PIAS2: variants seen among roughly 807,000 people sequenced by gnomAD.
PIAS2 encodes protein inhibitor of activated STAT 2, also known as E3 SUMO-protein ligase PIAS2.
In PIAS2, 19 loss-of-function variants were observed where a neutral mutation model predicts 69.7. The ratio of observed to expected loss-of-function variants is 0.27; its 90% confidence interval spans 0.19 to 0.40. The LOEUF (loss-of-function observed/expected upper bound fraction) is 0.40, where lower values mean the gene tolerates loss of function less well. PIAS2 is among the 10% of genes least tolerant of loss of function. The pLI, the probability that PIAS2 is intolerant of heterozygous loss-of-function variation, is 1.00. For synonymous variants in PIAS2, 261 were observed against 263.2 expected, an observed-to-expected ratio of 0.99 and a Z score of 0.08; for missense variants, 624 against 757.0, an observed-to-expected ratio of 0.82 and a Z score of 2.06.
At chr18:46,914,314 C>T (rs73957810) in intron 1 of PIAS2, among the ~76,000 whole-genome samples, 110 of 152,204 alleles carry the variant, frequency 7.2e-4, no homozygotes, top group African/African-American at 2.6e-3. Context: ...TCTAAGCCCC[C>T]GGCTATGGAT....
At chr18:46,914,335 G>T (rs72917106) in intron 1 of PIAS2, among the ~76,000 whole-genome samples, 1,674 of 152,236 alleles carry the variant, frequency 0.011, 16 homozygotes, top group Non-Finnish European at 0.017. Context: ...GATTAGAACA[G>T]AAGTAGAGAC....
intron 1 of PIAS2, among the ~76,000 whole-genome samples, chr18:46,896,324 ATAACT>A (rs1356719903): frequency 3.9e-5 from 6 of 152,100 alleles, no homozygotes; most frequent in Non-Finnish European, 7.4e-5. Context: ...ATATATTCTA[ATAACT>A]TAAATACAGA....
intron 9 of PIAS2, 61 bp downstream of exon 9, chr18:46,836,296 A>G (rs2044418071): frequency 1.6e-6 from 2 of 1,290,296 alleles, no homozygotes; most frequent in South Asian, 1.3e-5. Flanking sequence ...TGTAGTGAAC[A>G]AAGGCATTGC....
chr18:46,919,081 T>A (rs1054147462), upstream of PIAS2, among the ~76,000 whole-genome samples: 3 of 151,706 alleles, frequency 2.0e-5, no homozygotes, highest in African/African-American at 4.8e-5. Flanking sequence ...CCAGGTGCAG[T>A]GGCTCATGCC....
Position 46,900,926 on chromosome 18 carries a change from G to A in PIAS2, c.25-9872C>T, listed in dbSNP as rs540293346. The A allele has an allele frequency of 1.0e-3, 289 of 276,138 alleles. 1 individual carries two copies. The highest frequency in any genetic ancestry group is 6.6e-3 in the South Asian group (212 of 32,194). 17.1% of individuals were successfully genotyped at this position (276,138 alleles called of 1,614,324 possible). A position where few individuals can be genotyped will look rare whatever the true frequency, so the allele number is the denominator to read the frequency against. On this transcript the variant is annotated intron_variant, in intron 1 of 13. Transcript: ENST00000585916. ...GAGGCGGAGGTTGCGGTGAGCCGACGTCGTGCCATTGTACTCCAGCCTGGG... is the reference window on the plus strand; with the variant it reads ...GAGGCGGAGGTTGCGGTGAGCCGACATCGTGCCATTGTACTCCAGCCTGGG...
intron 2 of PIAS2, among the ~76,000 whole-genome samples, chr18:46,865,911 C>G (rs572858845): frequency 1.3e-5 from 2 of 152,180 alleles, no homozygotes; most frequent in Non-Finnish European, 2.9e-5. Context: ...ACTCCTCAAC[C>G]CTTTTTTTCT....
At chr18:46,862,997 C>T (rs949256074) in intron 3 of PIAS2, among the ~76,000 whole-genome samples, 10 of 152,018 alleles carry the variant, frequency 6.6e-5, no homozygotes, top group African/African-American at 1.9e-4. Flanking sequence ...TGAGCCACCA[C>T]GCCCAGCCTT....
intron 8 of PIAS2, among the ~76,000 whole-genome samples, chr18:46,841,428 C>T (rs978046051): frequency 6.6e-6 from 1 of 152,140 alleles, no homozygotes; most frequent in Admixed American, 6.5e-5. Flanking sequence ...TGCACCAGAT[C>T]CCATGTTATT....
chr18:46,857,353 T>A (rs1313707077), intron 3 of PIAS2, among the ~76,000 whole-genome samples: 1 of 152,176 alleles, frequency 6.6e-6, no homozygotes, highest in Admixed American at 6.5e-5. Context: ...AAATAAAATA[T>A]GGTAAGTGGT....
At chr18:46,894,712 T>A (rs2054575631) in intron 1 of PIAS2, among the ~76,000 whole-genome samples, 1 of 152,120 alleles carries the variant, frequency 6.6e-6, no homozygotes, top group African/African-American at 2.4e-5. Context: ...GCTGGGATAT[T>A]ATATAATTGA....
At chr18:46,856,006 T>G (rs1332064467) in intron 3 of PIAS2, among the ~76,000 whole-genome samples, 3 of 118,400 alleles carry the variant, frequency 2.5e-5, no homozygotes, top group East Asian at 2.1e-4. Context: ...TGTTTTTTTT[T>G]TTTTTTTTTT....
At position 46,836,518 on chromosome 18, in the gene PIAS2, C is replaced by T. The variant is rs558079790; in HGVS notation, c.1042-1G>A. 1 of 1,607,420 alleles carries T rather than the reference C, an allele frequency of 6.2e-7. No individual in the cohort carries two copies. Among genetic ancestry groups the T allele is most frequent in the African/African-American group, 1.3e-5 (1 of 74,908 alleles). ...GGATTGTCAGCCTCATTTTTCCTAA[C>T]TACAGGACAGGAAACACAAGGAAAA... On this transcript the variant is annotated splice_acceptor_variant, in intron 8 of 13. Coordinates refer to ENST00000585916, the MANE Select transcript of PIAS2 (RefSeq NM_004671.5). LOFTEE classifies it high-confidence loss of function.
intron 1 of PIAS2, among the ~76,000 whole-genome samples, chr18:46,898,233 C>G (rs139214642): frequency 1.1e-3 from 167 of 152,254 alleles, no homozygotes; most frequent in African/African-American, 2.5e-3. Context: ...TCTTGGCTCA[C>G]TGCAACCTCT....
chr18:46,918,485 G>A (rs899865010), upstream of PIAS2, among the ~76,000 whole-genome samples: 1 of 152,058 alleles, frequency 6.6e-6, no homozygotes. Flanking sequence ...ACGGAGTTTT[G>A]CTCTTGTTGC....
chr18:46,885,306 C>A (rs1000787508), intron 2 of PIAS2, among the ~76,000 whole-genome samples: 45 of 152,042 alleles, frequency 3.0e-4, no homozygotes, highest in Non-Finnish European at 5.3e-4. Context: ...ACCACGAGGT[C>A]AGGAGTTCGA....
intron 1 of PIAS2, 50 bp downstream of exon 1, chr18:46,917,272 C>G (rs993046778): frequency 6.9e-7 from 1 of 1,449,370 alleles, no homozygotes; most frequent in Non-Finnish European, 9.2e-7. Context: ...GTTTCCCCAC[C>G]TCCTCTCCCA....
intron 11 of PIAS2, among the ~76,000 whole-genome samples, chr18:46,825,022 AT>A (rs1283060404): frequency 6.6e-6 from 1 of 151,214 alleles, no homozygotes; most frequent in Non-Finnish European, 1.5e-5. Flanking sequence ...AAAAAAAAAA[AT>A]AGTTGCTCAC....
At position 46,890,951 on chromosome 18, in the gene PIAS2, T is replaced by G. The variant is rs1428897048; in HGVS notation, c.128A>C (p.His43Pro). 1 of 1,614,208 alleles carries G rather than the reference T, an allele frequency of 6.2e-7. No individual in the cohort carries two copies. Among genetic ancestry groups the G allele is most frequent in the Non-Finnish European group, 8.5e-7 (1 of 1,180,028 alleles). Residue 43 changes from histidine (H) to proline (P), a missense_variant, in exon 2 of 14, where the codon CAT (histidine) becomes CCT (proline). His to Pro is a moderately conservative substitution (Grantham distance 77). Transcript: ENST00000585916. ...AGGGCTGCAGCCGCTCTTCAATAAA[T>G]GCAGCGCCCTCATCAGGAGGTCATG... Reference protein sequence around the residue: ...RKHDLLMRALHLLKSGCSPAV... With the variant: ...RKHDLLMRALPLLKSGCSPAV...
intron 1 of PIAS2, chr18:46,893,335 A>T (rs1026525344): frequency 3.9e-6 from 1 of 256,806 alleles, no homozygotes; most frequent in Non-Finnish European, 6.1e-6. Flanking sequence ...AGAATTCACT[A>T]CTTTGCTTCA....
Sources: allele counts gnomAD v4.1 joint callset (sites outside exome capture counted in the v4.1 genomes callset), GRCh38; gene constraint gnomAD v4.1.1; transcripts MANE v1.5; gene names NCBI Gene and HGNC (gene_info 2026-07-23, HGNC 2026-07-21).